The following ABCC8 variants were observed in gnomAD, a reference collection of about 807,000 sequenced individuals.
ABCC8 encodes the protein ATP binding cassette subfamily C member 8, also known as ATP-binding cassette sub-family C member 8.
A neutral mutation model predicts 188.0 loss-of-function variants in ABCC8; 137 were observed. That is an observed-to-expected ratio of 0.73 (90% CI 0.63 to 0.84). ABCC8 has a LOEUF of 0.84. ABCC8 is among the 40% of genes least tolerant of loss of function. ABCC8 has a pLI of 0.00. For synonymous variants in ABCC8, 797 were observed against 846.5 expected, an observed-to-expected ratio of 0.94 and a Z score of 1.01; for missense variants, 1,750 against 2,072.7, an observed-to-expected ratio of 0.84 and a Z score of 3.02.
At chr11:17,476,565 C>T in intron 1 of ABCC8, 64 bp downstream of exon 1, 2 of 1,567,598 alleles carry the variant, frequency 1.3e-6, no homozygotes, top group Non-Finnish European at 1.7e-6. Context: ...GTGCGGCGCG[C>T]AGCGCCTCCT....
intron 2 of ABCC8, 36 bp from the exon 3 acceptor site, chr11:17,470,258 A>G (rs959286926): frequency 1.9e-6 from 3 of 1,613,380 alleles, no homozygotes; most frequent in Admixed American, 1.7e-5. Context: ...GGATGGGGAC[A>G]TGCTAAGTAC....
intron 12 of ABCC8, chr11:17,430,546 G>GTTTTTT: frequency 4.5e-6 from 2 of 444,896 alleles, no homozygotes; most frequent in Non-Finnish European, 8.3e-6. Context: ...GCTCAACACT[G>GTTTTTT]GTTTTTTTTT....
intron 22 of ABCC8, among the ~76,000 whole-genome samples, chr11:17,409,135 T>A (rs547546162): frequency 3.2e-4 from 49 of 150,822 alleles, no homozygotes; most frequent in African/African-American, 1.1e-3. Context: ...TTTTTTTTTT[T>A]TATAGAGATA....
chr11:17,400,872 A>G (rs7932833), intron 29 of ABCC8, among the ~76,000 whole-genome samples: 61,379 of 152,222 alleles, frequency 0.4, 15,855 homozygotes, highest in African/African-American at 0.72. Flanking sequence ...TGCCTGGCAT[A>G]CAGTAAGTGG....
intron 26 of ABCC8, 89 bp from the exon 27 acceptor site, chr11:17,405,652 T>G: frequency 1.2e-6 from 2 of 1,603,176 alleles, no homozygotes; most frequent in South Asian, 2.2e-5. Flanking sequence ...TTCATGTAAG[T>G]GTCTCTGGAG....
At chr11:17,467,322 C>T (rs1284932943) in intron 3 of ABCC8, among the ~76,000 whole-genome samples, 1 of 152,158 alleles carries the variant, frequency 6.6e-6, no homozygotes, top group Admixed American at 6.5e-5. Context: ...CAGGCTGAGG[C>T]ACAAGAATCC....
At chr11:17,406,510 AC>A in intron 26 of ABCC8, 111 bp downstream of exon 26, 3 of 1,180,804 alleles carry the variant, frequency 2.5e-6, no homozygotes, top group Non-Finnish European at 3.6e-6. Flanking sequence ...TCCTTGAGTC[AC>A]CCCCACAAGC....
intron 3 of ABCC8, among the ~76,000 whole-genome samples, chr11:17,464,830 C>A (rs1591900376): frequency 1.3e-5 from 2 of 152,208 alleles, no homozygotes; most frequent in Non-Finnish European, 2.9e-5. Flanking sequence ...CCCTCCTAGA[C>A]CAGATGCGGA....
chr11:17,456,401 G>A (rs748888241), intron 6 of ABCC8, among the ~76,000 whole-genome samples: 10 of 152,250 alleles, frequency 6.6e-5, no homozygotes, highest in Non-Finnish European at 1.0e-4. Flanking sequence ...CAGCACTCCC[G>A]ACTCTACAGT....
chr11:17,418,743 C>T (rs1955196377), intron 16 of ABCC8, among the ~76,000 whole-genome samples: 1 of 152,206 alleles, frequency 6.6e-6, no homozygotes, highest in East Asian at 1.9e-4. Flanking sequence ...AATGGACTGC[C>T]TTCCTCTCTG....
chr11:17,460,419 C>A, intron 6 of ABCC8, 69 bp downstream of exon 6: 4 of 1,609,832 alleles, frequency 2.5e-6, no homozygotes, highest in Non-Finnish European at 3.4e-6. Context: ...ACACATTGGC[C>A]TGTTGCACTC....
chr11:17,407,586 G>A, intron 23 of ABCC8, 133 bp from the exon 24 acceptor site: 1 of 1,454,892 alleles, frequency 6.9e-7, no homozygotes, highest in Admixed American at 2.0e-5. Flanking sequence ...GGGAGGGGCA[G>A]ACAGACACAC....
At chr11:17,423,011 C>T (rs897931649) in intron 16 of ABCC8, among the ~76,000 whole-genome samples, 14 of 152,004 alleles carry the variant, frequency 9.2e-5, no homozygotes, top group Admixed American at 8.5e-4. Flanking sequence ...ACTGCAGAGT[C>T]AATTGTGGTT....
intron 11 of ABCC8, among the ~76,000 whole-genome samples, chr11:17,431,568 G>A (rs890609087): frequency 3.3e-5 from 5 of 152,254 alleles, no homozygotes; most frequent in African/African-American, 1.2e-4. Flanking sequence ...ATGGGAGGCT[G>A]GGTGAGGGGG....
intron 31 of ABCC8, 158 bp downstream of exon 31, chr11:17,397,526 G>A (rs916403625): frequency 1.4e-6 from 2 of 1,414,402 alleles, no homozygotes; most frequent in African/African-American, 2.8e-5. Flanking sequence ...TGGGCCCTGG[G>A]GCCTGCTGGT....
chr11:17,449,504 C>T (rs1287407492), intron 7 of ABCC8, among the ~76,000 whole-genome samples: 3 of 152,220 alleles, frequency 2.0e-5, no homozygotes, highest in African/African-American at 7.2e-5. Context: ...AGTGCAGCCA[C>T]CCCAAGGACC....
chr11:17,460,726 G>C (rs747248685), intron 5 of ABCC8, 50 bp from the exon 6 acceptor site: 9 of 1,598,818 alleles, frequency 5.6e-6, no homozygotes, highest in Non-Finnish European at 2.5e-6. Flanking sequence ...GCTAATTCAC[G>C]GCTGGGCCTA....
At chr11:17,467,828 G>C (rs913268607) in intron 3 of ABCC8, among the ~76,000 whole-genome samples, 3 of 152,200 alleles carry the variant, frequency 2.0e-5, no homozygotes, top group Non-Finnish European at 2.9e-5. Flanking sequence ...TCCTTTCAAG[G>C]GGAGATAACT....
At chr11:17,422,186 G>A (rs915540009) in intron 16 of ABCC8, among the ~76,000 whole-genome samples, 1 of 152,202 alleles carries the variant, frequency 6.6e-6, no homozygotes, top group African/African-American at 2.4e-5. Context: ...CCCAGGATAG[G>A]TGGGCCAGCC....
Sources: gnomAD v4.1 joint callset for allele counts (sites outside exome capture counted in the v4.1 genomes callset) on GRCh38, gnomAD v4.1.1 for gene constraint, MANE v1.5 for transcripts, NCBI Gene and HGNC (gene_info 2026-07-23, HGNC 2026-07-21) for gene names.